The following RB1 variants were observed in gnomAD, a reference collection of about 807,000 sequenced individuals.
RB1 encodes the protein retinoblastoma-associated protein.
In RB1, 18 loss-of-function variants were observed where a neutral mutation model predicts 135.4. The ratio of observed to expected loss-of-function variants is 0.13; its 90% CI spans 0.09 to 0.20. The LOEUF is 0.20. Among genes scored for constraint, RB1 ranks in the 10% least tolerant of loss-of-function variants. The pLI is 1.00. For synonymous variants in RB1, 365 were observed against 373.2 expected (o/e 0.98, Z 0.25); for missense variants, 868 against 1,110.0 (o/e 0.78, Z 3.10).
intron 18 of RB1, among the ~76,000 whole-genome samples, chr13:48,454,083 A>T (rs1204069845): frequency 6.6e-6 from 1 of 152,190 alleles, no homozygotes; most frequent in Non-Finnish European, 1.5e-5. Context: ...TTTTTCATTT[A>T]ATCTTCATAA....
intron 17 of RB1, among the ~76,000 whole-genome samples, chr13:48,388,608 G>T (rs532174577): frequency 2.6e-5 from 4 of 152,092 alleles, no homozygotes; most frequent in Non-Finnish European, 4.4e-5. Context: ...AAGCAAAATG[G>T]CAAGATCTGT....
chr13:48,309,020 G>T (rs1311952727), intron 2 of RB1, among the ~76,000 whole-genome samples: 1 of 152,004 alleles, frequency 6.6e-6, no homozygotes, highest in East Asian at 1.9e-4. Context: ...ACTCTTACTG[G>T]ATATTTGGGT....
At chr13:48,316,965 T>C in intron 2 of RB1, 1 of 396,212 alleles carries the variant, frequency 2.5e-6, no homozygotes, top group Non-Finnish European at 4.7e-6. Context: ...CTGGTCCTGG[T>C]CGTCCCTATC....
intron 17 of RB1, among the ~76,000 whole-genome samples, chr13:48,418,000 G>A (rs1175585942): frequency 1.3e-5 from 2 of 152,110 alleles, no homozygotes; most frequent in Admixed American, 6.5e-5. Context: ...AGCACGACAG[G>A]CCAACATTCC....
intron 2 of RB1, among the ~76,000 whole-genome samples, chr13:48,334,666 G>A (rs9562817): frequency 0.92 from 140,604 of 152,228 alleles, 65,530 homozygotes; most frequent in East Asian, 1. Context: ...TATGTCAGTT[G>A]TGACAGCATA....
At chr13:48,338,558 G>A (rs1464475565) in intron 2 of RB1, among the ~76,000 whole-genome samples, 1 of 152,126 alleles carries the variant, frequency 6.6e-6, no homozygotes, top group East Asian at 1.9e-4. Flanking sequence ...CTCTACACTG[G>A]TTATTCTAGT....
intron 17 of RB1, among the ~76,000 whole-genome samples, chr13:48,406,966 T>C (rs1948745945): frequency 6.6e-6 from 1 of 152,230 alleles, no homozygotes; most frequent in South Asian, 2.1e-4. Flanking sequence ...TTGTGTCTGT[T>C]GTTTAGTCTT....
At chr13:48,443,436 A>C (rs1245907488) in intron 17 of RB1, among the ~76,000 whole-genome samples, 1 of 152,190 alleles carries the variant, frequency 6.6e-6, no homozygotes, top group Admixed American at 6.5e-5. Context: ...CCACACTCAA[A>C]AAATATTTCT....
At position 48,317,717 on chromosome 13, in the gene RB1, C is replaced by G. The variant is rs1195152615; in HGVS notation, c.264+10311C>G. On this transcript the variant is annotated intron_variant, in intron 2 of 26. Coordinates refer to ENST00000267163, the MANE Select transcript of RB1 (RefSeq NM_000321.3). Reference sequence around the variant, plus strand: ...CCTTGGGCGGGAGCAGCGGGGAGCCCCTTCCTGCCCTGGCTGAACAGGTCG... The same window carrying G: ...CCTTGGGCGGGAGCAGCGGGGAGCCGCTTCCTGCCCTGGCTGAACAGGTCG... 8 of 518,512 alleles carry G rather than the reference C, an allele frequency of 1.5e-5. No individual in the cohort carries two copies. In the East Asian group the frequency reaches 5.5e-4, roughly 36 times the overall value. The allele number at this position is 518,512 out of a possible 1,614,324, so 32.1% of individuals were successfully genotyped here. A position where few individuals can be genotyped will look rare whatever the true frequency, so the allele number is the denominator to read the frequency against.
chr13:48,419,900 C>T (rs189713104), intron 17 of RB1, among the ~76,000 whole-genome samples: 5 of 152,272 alleles, frequency 3.3e-5, no homozygotes, highest in East Asian at 1.9e-4. Flanking sequence ...TAATTAATAG[C>T]GTACCAACCA....
At chr13:48,474,621 C>G (rs449268) in intron 24 of RB1, among the ~76,000 whole-genome samples, 122,218 of 152,034 alleles carry the variant, frequency 0.8, 54,203 homozygotes, top group East Asian at 0.98. Flanking sequence ...TACATATGCA[C>G]TTTTTGCTTG....
intron 11 of RB1, among the ~76,000 whole-genome samples, chr13:48,371,180 G>A (rs893510818): frequency 1.3e-5 from 2 of 152,176 alleles, no homozygotes; most frequent in African/African-American, 4.8e-5. Flanking sequence ...GCATGATATA[G>A]CCTGTGCTAT....
intron 18 of RB1, 106 bp downstream of exon 18, chr13:48,453,217 T>A: frequency 8.8e-7 from 1 of 1,138,972 alleles, no homozygotes. Context: ...GAATTTTGAA[T>A]AAGAATAGTT....
intron 17 of RB1, among the ~76,000 whole-genome samples, chr13:48,446,916 T>A (rs1949291817): frequency 6.6e-6 from 1 of 152,018 alleles, no homozygotes; most frequent in South Asian, 2.1e-4. Context: ...AGTGTGGAGG[T>A]GGGTTAGGGA....
At chr13:48,313,392 T>A (rs1952149468) in intron 2 of RB1, among the ~76,000 whole-genome samples, 1 of 151,874 alleles carries the variant, frequency 6.6e-6, no homozygotes, top group Admixed American at 6.5e-5. Context: ...GTGGTGGTTT[T>A]TTTTTTGGTT....
intron 2 of RB1, among the ~76,000 whole-genome samples, chr13:48,332,642 T>C (rs1952347576): frequency 6.6e-6 from 1 of 152,186 alleles, no homozygotes. Flanking sequence ...TGGTTGATTA[T>C]AGTTAATAAT....
At chr13:48,317,030 C>T in intron 2 of RB1, 1 of 620,158 alleles carries the variant, frequency 1.6e-6, no homozygotes, top group Non-Finnish European at 2.6e-6. Flanking sequence ...AGCCCGAGTT[C>T]CTCCTGTCGG....
chr13:48,355,251 G>A (rs368126450), intron 6 of RB1, among the ~76,000 whole-genome samples: 1 of 152,008 alleles, frequency 6.6e-6, no homozygotes, highest in African/African-American at 2.4e-5. Flanking sequence ...CAAAAAATTG[G>A]CAAAAGAGTT....
intron 2 of RB1, among the ~76,000 whole-genome samples, chr13:48,315,301 G>A (rs1343359407): frequency 6.6e-6 from 1 of 152,134 alleles, no homozygotes; most frequent in Non-Finnish European, 1.5e-5. Flanking sequence ...TGTGGCTATT[G>A]TGAGTGGGTT....
Sources: gnomAD v4.1 joint callset for allele counts (sites outside exome capture counted in the v4.1 genomes callset) on GRCh38, gnomAD v4.1.1 for gene constraint, MANE v1.5 for transcripts, NCBI Gene and HGNC (gene_info 2026-07-23, HGNC 2026-07-21) for gene names.